The following PCGF5 variants were observed in gnomAD, a reference collection of about 807,000 sequenced individuals.
PCGF5 encodes polycomb group RING finger protein 5.
PCGF5 carries 9 observed loss-of-function variants against 44.3 expected under a neutral mutation model. The ratio of observed to expected loss-of-function variants is 0.20; its 90% confidence interval spans 0.12 to 0.35. PCGF5 has a LOEUF of 0.35. PCGF5 is among the 10% of genes least tolerant of loss of function. The probability of loss-of-function intolerance (pLI) is 1.00; values close to 1 mark genes in which losing one functional copy is unlikely to be tolerated. For missense variants in PCGF5, 146 were observed against 305.3 expected, an observed-to-expected ratio of 0.48 and a Z score of 3.89; for synonymous variants, 95 against 102.5, an observed-to-expected ratio of 0.93 and a Z score of 0.44.
intron 2 of PCGF5, among the ~76,000 whole-genome samples, chr10:91,226,585 A>G (rs1844846972): frequency 6.6e-6 from 1 of 152,190 alleles, no homozygotes; most frequent in African/African-American, 2.4e-5. Context: ...ATGCAAGTGC[A>G]TTTCAACTCT....
chr10:91,266,710 T>C (rs1846054706), intron 8 of PCGF5, among the ~76,000 whole-genome samples: 1 of 152,182 alleles, frequency 6.6e-6, no homozygotes, highest in African/African-American at 2.4e-5. Context: ...GTTCTAAGAT[T>C]GGTAGCTCCA....
the PCGF5 span, among the ~76,000 whole-genome samples, chr10:91,156,399 G>A: frequency 0.017 from 2,514 of 152,290 alleles, 77 homozygotes; most frequent in African/African-American, 0.058. Context: ...TAAAATAACT[G>A]TAGTAGAAAC....
At chr10:91,247,943 C>G (rs1457532064) in intron 3 of PCGF5, among the ~76,000 whole-genome samples, 1 of 152,086 alleles carries the variant, frequency 6.6e-6, no homozygotes, top group African/African-American at 2.4e-5. Flanking sequence ...CTCACTCATG[C>G]AACTGCAGTT....
chr10:91,238,293 C>G (rs898274238), intron 2 of PCGF5, among the ~76,000 whole-genome samples: 1 of 152,182 alleles, frequency 6.6e-6, no homozygotes, highest in Non-Finnish European at 1.5e-5. Flanking sequence ...TGACTTTAAG[C>G]AATTAGCATA....
chr10:91,264,643 T>A, intron 8 of PCGF5, 123 bp downstream of exon 8: 1 of 695,118 alleles, frequency 1.4e-6, no homozygotes, highest in Non-Finnish European at 2.4e-6. Context: ...AACTGGTTTT[T>A]CTTGCTACTG....
upstream of PCGF5, among the ~76,000 whole-genome samples, chr10:91,219,451 TAGA>T (rs1228677855): frequency 6.6e-6 from 1 of 152,218 alleles, no homozygotes; most frequent in African/African-American, 2.4e-5. Flanking sequence ...TTAAACACAC[TAGA>T]AGTAGTGTGA....
At chr10:91,216,516 A>G (rs1241088018), upstream of PCGF5, among the ~76,000 whole-genome samples, 1 of 152,212 alleles carries the variant, frequency 6.6e-6, no homozygotes, top group African/African-American at 2.4e-5. Flanking sequence ...GGTTTTTTAA[A>G]GCCAGAGAGC....
chr10:91,237,341 A>C (rs1845192405), intron 2 of PCGF5, among the ~76,000 whole-genome samples: 2 of 152,222 alleles, frequency 1.3e-5, no homozygotes, highest in African/African-American at 4.8e-5. Flanking sequence ...GCAAGTCAGA[A>C]TATTACATTG....
chr10:91,223,147 C>G (rs1844726643), intron 2 of PCGF5, among the ~76,000 whole-genome samples, 164 bp downstream of exon 2: 1 of 152,052 alleles, frequency 6.6e-6, no homozygotes, highest in South Asian at 2.1e-4. Context: ...ATTGGGTTGC[C>G]AGTGGCATGA....
chr10:91,277,029 A>G (rs958802042), intron 9 of PCGF5, among the ~76,000 whole-genome samples: 2 of 152,236 alleles, frequency 1.3e-5, no homozygotes, highest in Admixed American at 6.5e-5. Flanking sequence ...TAGAAGTTTT[A>G]AACCTTGGAA....
chr10:91,242,340 TAAAA>T (rs1845349281), intron 3 of PCGF5, among the ~76,000 whole-genome samples: 1 of 151,830 alleles, frequency 6.6e-6, no homozygotes, highest in East Asian at 1.9e-4. Context: ...AATTTTAAAA[TAAAA>T]AACTGTTAAT....
At chr10:91,225,902 T>C (rs904788779) in intron 2 of PCGF5, among the ~76,000 whole-genome samples, 2 of 152,092 alleles carry the variant, frequency 1.3e-5, no homozygotes, top group African/African-American at 4.8e-5. Context: ...AAGGTTTTCT[T>C]ATATATAATG....
intron 1 of PCGF5, among the ~76,000 whole-genome samples, chr10:91,204,287 T>C (rs1267689039): frequency 6.6e-6 from 1 of 151,976 alleles, no homozygotes; most frequent in Non-Finnish European, 1.5e-5. Flanking sequence ...ATTGAACTTA[T>C]TGGATTAGGT....
In PCGF5 at chr10:91,281,162, A is replaced by G. The variant is rs1406329925; in HGVS notation, c.*2846A>G. ...CTCTAGATTAGCAAAACAGCTTTAC[A>G]AAGTATGAAAAAATAAACTAAAATG... On this transcript the variant is annotated 3_prime_UTR_variant, in exon 10 of 10. Transcript: ENST00000336126. 1.3e-5 allele frequency: 2 copies of G among 152,552 alleles called. No homozygotes were observed. The highest frequency in any genetic ancestry group is 2.4e-5 in the African/African-American group (1 of 41,470). The allele number at this position is 152,552 out of a possible 1,614,324, so 9.4% of individuals were successfully genotyped here.
intron 6 of PCGF5, among the ~76,000 whole-genome samples, chr10:91,259,530 G>T (rs1352309608): frequency 6.6e-6 from 1 of 152,096 alleles, no homozygotes; most frequent in Non-Finnish European, 1.5e-5. Flanking sequence ...TAAGCCAAAA[G>T]AACAAAGCTG....
rs1213535596 is a variant in PCGF5 at position 91,238,581 on chromosome 10, A to ATTTCTTTCTTTCTTTC, written c.113-1895_113-1880dup. Among the ~76,000 whole-genome samples the ATTTCTTTCTTTCTTTC allele has an allele frequency of 3.1e-3, 226 of 73,218 alleles. 12 individuals are homozygous for ATTTCTTTCTTTCTTTC. Among genetic ancestry groups the ATTTCTTTCTTTCTTTC allele is most frequent in the African/African-American group, 0.012 (207 of 17,406 alleles). The allele number at this position is 73,218 out of a possible 152,430, so 48.0% of individuals were successfully genotyped here. A position where few individuals can be genotyped will look rare whatever the true frequency, so the allele number is the denominator to read the frequency against. On this transcript the variant is annotated intron_variant, in intron 2 of 9. Transcript: ENST00000336126. ...AGGCTTTTAAAATCCCTCCACTCTCATTTCTTTCTTTCTTTCTTTCTTTTT... is the reference window on the plus strand; with the variant it reads ...AGGCTTTTAAAATCCCTCCACTCTCATTTCTTTCTTTCTTTCTTTCTTTCTTTCTTTCTTTCTTTTT...
upstream of PCGF5, among the ~76,000 whole-genome samples, chr10:91,215,700 C>A (rs1261424192): frequency 1.3e-5 from 2 of 152,240 alleles, no homozygotes; most frequent in Non-Finnish European, 2.9e-5. Context: ...TCTCATTTAT[C>A]ATTCATATGC....
chr10:91,213,245 A>T (rs1324654303), intron 1 of PCGF5, among the ~76,000 whole-genome samples: 5 of 152,200 alleles, frequency 3.3e-5, no homozygotes, highest in Admixed American at 6.5e-5. Context: ...AGAGAGATGA[A>T]TCAAAAGTAT....
At chr10:91,227,552 GT>G in intron 2 of PCGF5, 1 of 1,194,194 alleles carries the variant, frequency 8.4e-7, no homozygotes, top group Non-Finnish European at 1.1e-6. Context: ...TCATCCCTCT[GT>G]TACTGTTCTC....
Sources: gnomAD v4.1 joint callset for allele counts (sites outside exome capture counted in the v4.1 genomes callset) on GRCh38, gnomAD v4.1.1 for gene constraint, MANE v1.5 for transcripts, NCBI Gene and HGNC (gene_info 2026-07-23, HGNC 2026-07-21) for gene names.